MEF2A: variants seen among roughly 807,000 people sequenced by gnomAD.
The protein encoded by MEF2A is myocyte-specific enhancer factor 2A.
In MEF2A, 28 loss-of-function variants were observed where a neutral mutation model predicts 55.8. That is an observed-to-expected ratio of 0.50 (90% confidence interval 0.37 to 0.69). The LOEUF is 0.69. MEF2A is among the 30% of genes least tolerant of loss of function. The pLI is 0.00. For synonymous variants in MEF2A, 239 were observed against 227.1 expected, an observed-to-expected ratio of 1.05 and a Z score of -0.47; for missense variants, 528 against 626.2, an observed-to-expected ratio of 0.84 and a Z score of 1.67.
At chr15:99,641,823 G>T (rs2045033203) in intron 3 of MEF2A, among the ~76,000 whole-genome samples, 2 of 152,150 alleles carry the variant, frequency 1.3e-5, no homozygotes, top group African/African-American at 4.8e-5. Context: ...ACCCTCTGGG[G>T]TTTCTCACTT....
At position 99,595,793 on chromosome 15, in the gene MEF2A, C is replaced by T. The variant is rs189837109; in HGVS notation, c.-224-2637C>T. On this transcript the variant is annotated intron_variant, in intron 1 of 11. Transcript: ENST00000557942. ...GTACGTTTGATCTATATAAGAGACACAGGGGAAAGTTATTTCCAGGTGGAG... is the reference window on the plus strand; with the variant it reads ...GTACGTTTGATCTATATAAGAGACATAGGGGAAAGTTATTTCCAGGTGGAG... 3.9e-4 allele frequency among the ~76,000 whole-genome samples: 60 copies of T among 152,260 alleles called. No individual in the cohort carries two copies. The East Asian group carries it at 0.011, about 27-fold the overall frequency.
intron 1 of MEF2A, among the ~76,000 whole-genome samples, chr15:99,567,077 T>G (rs1309920211): frequency 6.6e-6 from 1 of 152,226 alleles, no homozygotes; most frequent in Non-Finnish European, 1.5e-5. Context: ...AAAGTGTAAC[T>G]ATAGAATTGT....
At chr15:99,636,018 G>A (rs574185146) in intron 3 of MEF2A, among the ~76,000 whole-genome samples, 243 of 152,200 alleles carry the variant, frequency 1.6e-3, no homozygotes, top group Non-Finnish European at 2.4e-3. Context: ...ACACTCTGCT[G>A]GCAGAGTGTA....
intron 6 of MEF2A, 41 bp from the exon 7 acceptor site, chr15:99,675,358 T>C: frequency 6.5e-7 from 1 of 1,549,480 alleles, no homozygotes; most frequent in African/African-American, 1.4e-5. Context: ...CTAATTCATA[T>C]TCATTCTCTG....
chr15:99,646,101 GTCTT>G (rs1410651746), intron 4 of MEF2A, among the ~76,000 whole-genome samples: 1 of 151,682 alleles, frequency 6.6e-6, no homozygotes, highest in Non-Finnish European at 1.5e-5. Flanking sequence ...GTTTTGGTAT[GTCTT>G]AATCATTTCA....
intron 7 of MEF2A, among the ~76,000 whole-genome samples, chr15:99,689,252 T>C (rs2054890327): frequency 6.6e-6 from 1 of 152,116 alleles, no homozygotes; most frequent in Admixed American, 6.5e-5. Flanking sequence ...TCAGTAGAAG[T>C]AGAGCCATAA....
At chr15:99,615,305 C>CT (rs1398193773) in intron 2 of MEF2A, among the ~76,000 whole-genome samples, 1 of 152,066 alleles carries the variant, frequency 6.6e-6, no homozygotes, top group South Asian at 2.1e-4. Flanking sequence ...TGGTATTTGT[C>CT]TTTTATGCAG....
In MEF2A at chr15:99,573,559, CAT is replaced by C. The variant is rs528532833; in HGVS notation, c.-225+7458_-225+7459del. ...AGGGAAGTATTTCCAGTTTGAAATGCATATCTCTGTTGTTCATTACTAACCAA... is the reference window on the plus strand; with the variant it reads ...AGGGAAGTATTTCCAGTTTGAAATGCATCTCTGTTGTTCATTACTAACCAA... On this transcript the variant is annotated intron_variant, in intron 1 of 11. Transcript: ENST00000557942. Among the ~76,000 whole-genome samples, 6 of 152,286 alleles carry C rather than the reference CAT, an allele frequency of 3.9e-5. No homozygotes were observed. The South Asian group carries it at 6.2e-4, about 16-fold the overall frequency.
chr15:99,665,563 A>C (rs1252380826), intron 4 of MEF2A, among the ~76,000 whole-genome samples: 1 of 152,166 alleles, frequency 6.6e-6, no homozygotes, highest in Non-Finnish European at 1.5e-5. Flanking sequence ...AATGGCAACA[A>C]AAGCCAAAAT....
At chr15:99,699,964 G>GTT (rs1567482869) in intron 8 of MEF2A, among the ~76,000 whole-genome samples, 1,465 of 66,860 alleles carry the variant, frequency 0.022, 26 homozygotes, top group African/African-American at 0.054. Flanking sequence ...GTGTGTGTGT[G>GTT]TGTGTGTGTG....
intron 1 of MEF2A, among the ~76,000 whole-genome samples, chr15:99,582,632 A>G (rs1015071394): frequency 6.6e-6 from 1 of 152,060 alleles, no homozygotes; most frequent in African/African-American, 2.4e-5. Flanking sequence ...CTGTCTTACA[A>G]ATGACTCAGG....
intron 4 of MEF2A, among the ~76,000 whole-genome samples, chr15:99,648,635 C>T (rs1420286922): frequency 6.6e-6 from 1 of 152,192 alleles, no homozygotes; most frequent in Non-Finnish European, 1.5e-5. Context: ...CCTGACTCCA[C>T]ATATTTCCGT....
intron 2 of MEF2A, among the ~76,000 whole-genome samples, chr15:99,630,213 C>G (rs2042734742): frequency 6.6e-6 from 1 of 152,094 alleles, no homozygotes; most frequent in Non-Finnish European, 1.5e-5. Flanking sequence ...CTCCTCCCCT[C>G]TGAGACTCCA....
intron 10 of MEF2A, among the ~76,000 whole-genome samples, chr15:99,709,615 T>C (rs1005032192): frequency 6.6e-6 from 1 of 152,230 alleles, no homozygotes; most frequent in Non-Finnish European, 1.5e-5. Context: ...CCAATTTCTT[T>C]AAACACCTCT....
chr15:99,571,840 C>T (rs1049819156), intron 1 of MEF2A, among the ~76,000 whole-genome samples: 1 of 152,102 alleles, frequency 6.6e-6, no homozygotes, highest in Non-Finnish European at 1.5e-5. Flanking sequence ...CTTTCCATTT[C>T]TCTTAAGTCC....
rs1477197452 is a variant in MEF2A, at chr15:99,716,402, T to G, written c.*3631T>G. On this transcript the variant is annotated 3_prime_UTR_variant, in exon 12 of 12. Coordinates refer to ENST00000557942, the MANE Select transcript of MEF2A (RefSeq NM_001319206.4). ...AATAAATATAATAGTGAACTTTTTA[T>G]CAAATGGTGAAGACAATGCTAAAGG... 2.4e-6 allele frequency: 1 copy of G among 409,076 alleles called. No individual in the cohort carries two copies. The highest frequency in any genetic ancestry group is 7.4e-5 in the East Asian group (1 of 13,592). The allele number at this position is 409,076 out of a possible 1,614,324, so 25.3% of individuals were successfully genotyped here.
At position 99,580,914 on chromosome 15, in the gene MEF2A, A is replaced by G. The variant is rs77824414; in HGVS notation, c.-225+14810A>G. 3.2e-3 allele frequency among the ~76,000 whole-genome samples: 485 copies of G among 152,220 alleles called. 4 individuals are homozygous for G. The highest frequency in any genetic ancestry group is 0.01 in the African/African-American group (432 of 41,556). Reference sequence around the variant, plus strand: ...TTTTGACAGTTGTTCCTTTCTTCCAATAAATGGTAGGTATGATGTTATTCC... The same window carrying G: ...TTTTGACAGTTGTTCCTTTCTTCCAGTAAATGGTAGGTATGATGTTATTCC... On this transcript the variant is annotated intron_variant, in intron 1 of 11. Coordinates refer to ENST00000557942, the MANE Select transcript of MEF2A (RefSeq NM_001319206.4).
Position 99,710,643 on chromosome 15 carries a change from T to C in MEF2A, c.1019T>C (p.Leu340Pro). ...TTGTCTTCCTTTGTAGATTATTCAC[T>C]GACCAGCGCTGACCTGTCAGCCCTT... ...MPTAYNTDYS[L>P]TSADLSALQG... is the part of the protein sequence containing the mutation. The change falls in exon 11 of 12, where the codon CTG becomes CCG. Residue 340 changes from leucine (L) to proline (P), a missense_variant. This residue lies in a region of MEF2A where 450 missense variants were observed against 475.3 expected (regional missense o/e 0.95). Coordinates refer to ENST00000557942, the MANE Select transcript of MEF2A (RefSeq NM_001319206.4). 6.2e-7 allele frequency: 1 copy of C among 1,611,426 alleles called. No homozygotes were observed. Among genetic ancestry groups the C allele is most frequent in the African/African-American group, 1.3e-5 (1 of 75,034 alleles).
chr15:99,679,970 T>G (rs1325066580), intron 7 of MEF2A, among the ~76,000 whole-genome samples: 5 of 152,170 alleles, frequency 3.3e-5, no homozygotes, highest in Admixed American at 1.3e-4. Flanking sequence ...CCTTTGAGTC[T>G]TTGGACATTG....
Sources: allele counts gnomAD v4.1 joint callset (sites outside exome capture counted in the v4.1 genomes callset), GRCh38; gene constraint gnomAD v4.1.1; regional missense constraint gnomAD v4.1.1; transcripts MANE v1.5; gene names NCBI Gene and HGNC (gene_info 2026-07-23, HGNC 2026-07-21).